Variants in PCDHA1 observed in about 807,000 individuals in gnomAD.
The protein encoded by PCDHA1 is protocadherin alpha 1.
PCDHA1 carries 42 observed loss-of-function variants against 61.3 expected under a neutral mutation model. The ratio of observed to expected loss-of-function variants is 0.69; its 90% CI spans 0.54 to 0.89. The LOEUF is 0.89. Among genes scored for constraint, PCDHA1 ranks in the 40% least tolerant of loss-of-function variants. The pLI, the probability that PCDHA1 is intolerant of heterozygous loss-of-function variation, is 0.00. For synonymous variants in PCDHA1, 610 were observed against 553.8 expected (o/e 1.10, Z -1.43); for missense variants, 1,256 against 1,235.3 (o/e 1.02, Z -0.25).
chr5:140,803,804 T>C lies in PCDHA1; in HGVS notation c.2394+15120T>C, dbSNP rs145715704. On this transcript the variant is annotated intron_variant, in intron 1 of 3. Coordinates refer to ENST00000504120, the MANE Select transcript of PCDHA1 (RefSeq NM_018900.4). ...TAAGTTATGATATCCACACTTGTAA[T>C]TTTGTTTTGTTATTAGGTGCAGTAG... 214 of 765,130 alleles carry C rather than the reference T, an allele frequency of 2.8e-4. 1 individual carries two copies. In the African/African-American group the frequency reaches 3.3e-3, roughly 12 times the overall value. The allele number at this position is 765,130 out of a possible 1,614,324, so 47.4% of individuals were successfully genotyped here. A position where few individuals can be genotyped will look rare whatever the true frequency, so the allele number is the denominator to read the frequency against.
intron 1 of PCDHA1, among the ~76,000 whole-genome samples, chr5:140,972,752 C>A (rs1332478312): frequency 1.3e-5 from 2 of 151,214 alleles, no homozygotes; most frequent in Non-Finnish European, 2.9e-5. Context: ...CAACCTCCGC[C>A]TCCCAAGTTA....
chr5:140,947,948 T>C (rs2094196051), intron 1 of PCDHA1, among the ~76,000 whole-genome samples: 1 of 151,586 alleles, frequency 6.6e-6, no homozygotes, highest in South Asian at 2.1e-4. Context: ...AAGTGTTCCA[T>C]ATTTTACAAT....
chr5:140,829,988 A>C (rs1770730087), intron 1 of PCDHA1: 3 of 1,613,924 alleles, frequency 1.9e-6, no homozygotes, highest in Non-Finnish European at 2.5e-6. Context: ...CGAGATCAGC[A>C]CCACTCGTGT....
intron 3 of PCDHA1, among the ~76,000 whole-genome samples, chr5:140,990,310 C>A (rs1371432693): frequency 3.9e-5 from 6 of 152,110 alleles, no homozygotes; most frequent in African/African-American, 1.2e-4. Context: ...CTGTAAAAAA[C>A]CAACCAAACA....
intron 1 of PCDHA1, among the ~76,000 whole-genome samples, chr5:140,912,961 G>C (rs1370850871): frequency 6.6e-6 from 1 of 151,844 alleles, no homozygotes; most frequent in African/African-American, 2.4e-5. Context: ...ATCCCACTTG[G>C]TCTTTTAACT....
chr5:140,920,972 T>C (rs246075), intron 1 of PCDHA1, among the ~76,000 whole-genome samples: 86,063 of 151,854 alleles, frequency 0.57, 25,081 homozygotes, highest in African/African-American at 0.71. Flanking sequence ...TACTAGAGTA[T>C]AATATTGTAT....
intron 1 of PCDHA1, chr5:140,835,642 C>T (rs2150240514): frequency 1.2e-6 from 2 of 1,613,940 alleles, no homozygotes; most frequent in East Asian, 2.2e-5. Flanking sequence ...AGTGTGTCCG[C>T]CTATGAGCTG....
At chr5:140,795,918 T>A (rs782329141) in intron 1 of PCDHA1, 2 of 1,613,746 alleles carry the variant, frequency 1.2e-6, no homozygotes, top group East Asian at 2.2e-5. Flanking sequence ...CCTACGAGAT[T>A]CAGGTCACTG....
At chr5:140,894,256 A>G (rs1554186008) in intron 1 of PCDHA1, among the ~76,000 whole-genome samples, 1 of 152,010 alleles carries the variant, frequency 6.6e-6, no homozygotes, top group African/African-American at 2.4e-5. Context: ...TTTTCTTTAC[A>G]AGTGGTAGCT....
intron 1 of PCDHA1, chr5:140,796,382 A>C: frequency 6.2e-7 from 1 of 1,613,626 alleles, no homozygotes; most frequent in Non-Finnish European, 8.5e-7. Flanking sequence ...CCGGGCTGCC[A>C]CATCTTCACG....
intron 1 of PCDHA1, chr5:140,808,863 A>T: frequency 6.2e-7 from 1 of 1,613,090 alleles, no homozygotes; most frequent in Non-Finnish European, 8.5e-7. Context: ...CTGGACGAAA[A>T]CGACAACGCG....
intron 1 of PCDHA1, among the ~76,000 whole-genome samples, chr5:140,914,901 G>A (rs2076874560): frequency 6.8e-6 from 1 of 147,044 alleles, no homozygotes; most frequent in African/African-American, 2.5e-5. Flanking sequence ...TTAACTTTGT[G>A]TTGTTTCTCT....
rs782098091 is a variant in PCDHA1 at position 140,802,239 on chromosome 5, C to A, written c.2394+13555C>A. 2.5e-6 allele frequency: 4 copies of A among 1,614,070 alleles called. No homozygotes were observed. The African/African-American group carries it at 4.0e-5, about 16-fold the overall frequency. ...AATTGTGGACATCAATGATAATGTA[C>A]CTGAGTTAGTTATTCAATCACTATC... On this transcript the variant is annotated intron_variant, in intron 1 of 3. Transcript: ENST00000504120.
chr5:140,857,869 G>T (rs782395924), intron 1 of PCDHA1: 3 of 1,597,830 alleles, frequency 1.9e-6, no homozygotes, highest in Admixed American at 1.7e-5. Flanking sequence ...CGTGGCTGTC[G>T]TATGAATTGC....
intron 3 of PCDHA1, among the ~76,000 whole-genome samples, chr5:140,992,294 G>C (rs2097504138): frequency 1.3e-5 from 2 of 152,190 alleles, no homozygotes; most frequent in African/African-American, 4.8e-5. Context: ...CAAAGGATGG[G>C]AGTATTGTTT....
rs137969621 is a variant in PCDHA1, at chr5:140,884,072, G to T, written c.2395-94877G>T. The T allele has an allele frequency of 9.1e-5, 147 of 1,613,476 alleles. 1 individual carries two copies. In the African/African-American group the frequency reaches 1.7e-3, roughly 19 times the overall value. On this transcript the variant is annotated intron_variant, in intron 1 of 3. Coordinates refer to ENST00000504120, the MANE Select transcript of PCDHA1 (RefSeq NM_018900.4). ...GGTGCGCGCGGTGGACGCCGATTCGGGCTACAATGCGTGGCTTTCGTATGA... is the reference window on the plus strand; with the variant it reads ...GGTGCGCGCGGTGGACGCCGATTCGTGCTACAATGCGTGGCTTTCGTATGA...
In PCDHA1 at chr5:140,927,952, G is replaced by C. The variant is rs1352026553; in HGVS notation, c.2395-50997G>C. 6 of 1,614,064 alleles carry C rather than the reference G, an allele frequency of 3.7e-6. No homozygotes were observed. In the African/African-American group the frequency reaches 8.0e-5, roughly 22 times the overall value. On this transcript the variant is annotated intron_variant, in intron 1 of 3. Coordinates refer to ENST00000504120, the MANE Select transcript of PCDHA1 (RefSeq NM_018900.4). ...TTCGAACCCAGTACCTGAGGACGCTGCCCCTGGCACAGTGATTGCTCTCTT... is the reference window on the plus strand; with the variant it reads ...TTCGAACCCAGTACCTGAGGACGCTCCCCCTGGCACAGTGATTGCTCTCTT...
chr5:140,945,516 A>C (rs1192013721), intron 1 of PCDHA1, among the ~76,000 whole-genome samples: 2 of 152,154 alleles, frequency 1.3e-5, no homozygotes, highest in Non-Finnish European at 2.9e-5. Flanking sequence ...AAAGTAAATA[A>C]ATAAATAAAA....
At chr5:140,804,424 T>C (rs1481564521) in intron 1 of PCDHA1, 3 of 152,088 alleles carry the variant, frequency 2.0e-5, no homozygotes, top group African/African-American at 7.2e-5. Flanking sequence ...ATATATTCAT[T>C]TTAAAAGAAT....
Sources: gnomAD v4.1 joint callset for allele counts (sites outside exome capture counted in the v4.1 genomes callset) on GRCh38, gnomAD v4.1.1 for gene constraint, MANE v1.5 for transcripts, NCBI Gene and HGNC (gene_info 2026-07-23, HGNC 2026-07-21) for gene names.